NSMCE2: variants seen among roughly 807,000 people sequenced by gnomAD.
NSMCE2 encodes the protein NSE2 SUMO ligase component of SMC5/6 complex.
A neutral mutation model predicts 23.8 loss-of-function variants in NSMCE2; 24 were observed. The observed-to-expected ratio is 1.01, with a 90% CI of 0.73 to 1.42. The LOEUF (loss-of-function observed/expected upper bound fraction) is 1.42. Among genes scored for constraint, NSMCE2 ranks in the 40% most tolerant of loss-of-function variants. NSMCE2 has a pLI of 0.00. For missense variants in NSMCE2, 284 were observed against 296.5 expected (o/e 0.96, Z 0.31); for synonymous variants, 92 against 94.1 (o/e 0.98, Z 0.13).
At chr8:125,181,283 G>A (rs187732685) in intron 4 of NSMCE2, among the ~76,000 whole-genome samples, 2 of 152,248 alleles carry the variant, frequency 1.3e-5, no homozygotes, top group African/African-American at 4.8e-5. Flanking sequence ...TAAAAAATGG[G>A]TGTGAAGAGC....
chr8:125,289,547 T>C (rs1174090566), intron 5 of NSMCE2, among the ~76,000 whole-genome samples: 1 of 152,248 alleles, frequency 6.6e-6, no homozygotes, highest in Non-Finnish European at 1.5e-5. Context: ...TGTTTCCTTG[T>C]CTGTCTTCCC....
chr8:125,099,489 G>A (rs1232766771), intron 1 of NSMCE2, among the ~76,000 whole-genome samples: 1 of 152,070 alleles, frequency 6.6e-6, no homozygotes, highest in Non-Finnish European at 1.5e-5. Context: ...TCTGAACCTG[G>A]GACCCTACAA....
At chr8:125,349,064 G>C (rs1227260242) in intron 5 of NSMCE2, among the ~76,000 whole-genome samples, 3 of 138,084 alleles carry the variant, frequency 2.2e-5, no homozygotes, top group Non-Finnish European at 4.7e-5. Flanking sequence ...CACACACACA[G>C]AGCTCTTAAT....
At position 125,357,008 on chromosome 8, in the gene NSMCE2, G is replaced by T. The variant is rs201908064; in HGVS notation, c.419-211G>T. ...ACTTTAAAAAAGATTCTTTTTAACTGCTCTGAGCCTCAGTTTCCTTATCAA... is the reference window on the plus strand; with the variant it reads ...ACTTTAAAAAAGATTCTTTTTAACTTCTCTGAGCCTCAGTTTCCTTATCAA... On this transcript the variant is annotated intron_variant, in intron 5 of 7. Transcript: ENST00000287437. Among the ~76,000 whole-genome samples the T allele has an allele frequency of 3.9e-5, 6 of 152,206 alleles. No homozygotes were observed. The East Asian group carries it at 9.7e-4, about 24-fold the overall frequency.
intron 4 of NSMCE2, among the ~76,000 whole-genome samples, chr8:125,157,316 A>T (rs925620629): frequency 6.6e-6 from 1 of 152,228 alleles, no homozygotes; most frequent in African/African-American, 2.4e-5. Context: ...CTCGCTGCAT[A>T]TGGCATTCTA....
chr8:125,128,667 AG>A (rs1396725239), intron 3 of NSMCE2, among the ~76,000 whole-genome samples: 1 of 152,228 alleles, frequency 6.6e-6, no homozygotes, highest in East Asian at 1.9e-4. Context: ...TGGAGGCTCC[AG>A]GGGAAAATCA....
chr8:125,349,250 ACTT>A (rs1812926477), intron 5 of NSMCE2, among the ~76,000 whole-genome samples: 1 of 152,228 alleles, frequency 6.6e-6, no homozygotes, highest in Non-Finnish European at 1.5e-5. Context: ...AGAATTTCAA[ACTT>A]GGAATCAATG....
At chr8:125,126,124 TG>T (rs1394333789) in intron 3 of NSMCE2, among the ~76,000 whole-genome samples, 2 of 152,168 alleles carry the variant, frequency 1.3e-5, no homozygotes, top group African/African-American at 4.8e-5. Context: ...GACTCACACC[TG>T]TAATTCCAGC....
intron 1 of NSMCE2, among the ~76,000 whole-genome samples, chr8:125,101,547 CTG>C (rs556327330): frequency 8.7e-4 from 132 of 152,330 alleles, no homozygotes; most frequent in Middle Eastern, 6.8e-3. Context: ...CCCTTTAAAA[CTG>C]TGAATTCTCC....
At chr8:125,286,129 C>G (rs1322806856) in intron 5 of NSMCE2, among the ~76,000 whole-genome samples, 2 of 151,854 alleles carry the variant, frequency 1.3e-5, no homozygotes, top group East Asian at 3.9e-4. Flanking sequence ...CTCAGGATCA[C>G]AAGACTACCA....
At chr8:125,130,184 G>A (rs1819696316) in intron 3 of NSMCE2, 1 of 454,546 alleles carries the variant, frequency 2.2e-6, no homozygotes, top group East Asian at 7.0e-5. Context: ...TTTGTCTGAT[G>A]TCTTATTATG....
intron 5 of NSMCE2, among the ~76,000 whole-genome samples, chr8:125,198,573 T>C (rs1400661124): frequency 6.6e-6 from 1 of 152,248 alleles, no homozygotes; most frequent in Non-Finnish European, 1.5e-5. Flanking sequence ...TTTGATGTGC[T>C]GCTGGATTCG....
chr8:125,286,035 T>C (rs1168732547), intron 5 of NSMCE2, among the ~76,000 whole-genome samples: 2 of 151,576 alleles, frequency 1.3e-5, no homozygotes, highest in Non-Finnish European at 2.9e-5. Context: ...AACAGTCCAC[T>C]AGCAGCACTT....
At chr8:125,207,443 T>C (rs1221659799) in intron 5 of NSMCE2, among the ~76,000 whole-genome samples, 2 of 152,220 alleles carry the variant, frequency 1.3e-5, no homozygotes, top group East Asian at 3.8e-4. Flanking sequence ...TTTACTTTAA[T>C]CATAATTTGA....
chr8:125,349,069 C>T (rs1812918718), intron 5 of NSMCE2, among the ~76,000 whole-genome samples: 1 of 148,952 alleles, frequency 6.7e-6, no homozygotes, highest in Admixed American at 6.7e-5. Context: ...ACACAGAGCT[C>T]TTAATTCCAA....
chr8:125,172,908 A>T (rs566390863), intron 4 of NSMCE2, among the ~76,000 whole-genome samples: 6 of 152,228 alleles, frequency 3.9e-5, no homozygotes, highest in Admixed American at 2.6e-4. Context: ...TTATCTGACA[A>T]CACTTTAGAC....
At chr8:125,141,476 C>A (rs1820371433) in intron 3 of NSMCE2, among the ~76,000 whole-genome samples, 1 of 152,174 alleles carries the variant, frequency 6.6e-6, no homozygotes, top group East Asian at 1.9e-4. Flanking sequence ...TCATCTGGGG[C>A]AAATGATTTA....
chr8:125,223,943 T>G (rs1824985241), intron 5 of NSMCE2, among the ~76,000 whole-genome samples: 1 of 151,982 alleles, frequency 6.6e-6, no homozygotes, highest in African/African-American at 2.4e-5. Context: ...TTCAAGAGAT[T>G]CTCCCACTGT....
chr8:125,211,307 C>T (rs1824330708), intron 5 of NSMCE2, among the ~76,000 whole-genome samples: 1 of 152,136 alleles, frequency 6.6e-6, no homozygotes, highest in Admixed American at 6.5e-5. Context: ...CCTTACATAT[C>T]CCTGTGGAAA....
Sources: allele counts gnomAD v4.1 joint callset (sites outside exome capture counted in the v4.1 genomes callset), GRCh38; gene constraint gnomAD v4.1.1; transcripts MANE v1.5; gene names NCBI Gene and HGNC (gene_info 2026-07-23, HGNC 2026-07-21).